The following CCDC92B variants were observed in gnomAD, a reference collection of about 807,000 sequenced individuals.
The protein encoded by CCDC92B is coiled-coil domain containing 92B, also known as coiled-coil domain-containing 92B.
CCDC92B carries 2 observed loss-of-function variants against 5.6 expected under a neutral mutation model. That is an observed-to-expected ratio of 0.36 (90% CI 0.15 to 1.12). CCDC92B has a LOEUF of 1.12. Among genes scored for constraint, CCDC92B ranks in the 50% most tolerant of loss-of-function variants. The pLI, the probability that CCDC92B is intolerant of heterozygous loss-of-function variation, is 0.40. For synonymous variants in CCDC92B, 115 were observed against 122.3 expected (o/e 0.94, Z 0.39); for missense variants, 271 against 262.2 (o/e 1.03, Z -0.23).
intron 1 of CCDC92B, among the ~76,000 whole-genome samples, chr17:2,745,116 C>T (rs370179142): frequency 6.8e-6 from 1 of 146,974 alleles, no homozygotes; most frequent in Non-Finnish European, 1.5e-5. Context: ...TAATAATACA[C>T]TGGTGCATAA....
chr17:2,730,384 G>T, intron 3 of CCDC92B, 62 bp downstream of exon 3: 1 of 934,680 alleles, frequency 1.1e-6, no homozygotes, highest in South Asian at 4.9e-5. Context: ...CCTGCAAAGG[G>T]CTGGGAAAAA....
intron 2 of CCDC92B, 132 bp downstream of exon 2, chr17:2,734,884 C>T: frequency 1.5e-6 from 1 of 651,440 alleles, no homozygotes; most frequent in Non-Finnish European, 1.9e-6. Flanking sequence ...TTTCCTTAAT[C>T]AGAAAAAGAG....
rs558481076 is a variant in CCDC92B, at chr17:2,737,017, T to G, written c.-23-1849A>C. ...ATGGCAGAACTTTGAGTTGCAGTGA[T>G]GGATGAGAGCCATGCATCCCTGAAT... On this transcript the variant is annotated intron_variant, in intron 1 of 3. Coordinates refer to ENST00000614400, the MANE Select transcript of CCDC92B (RefSeq NM_001355573.2). Among the ~76,000 whole-genome samples, 5 of 151,212 alleles carry G rather than the reference T, an allele frequency of 3.3e-5. No homozygotes were observed. In the South Asian group the frequency reaches 1.0e-3, roughly 31 times the overall value.
At chr17:2,739,186 T>C (rs1178803088) in intron 1 of CCDC92B, among the ~76,000 whole-genome samples, 1 of 149,670 alleles carries the variant, frequency 6.7e-6, no homozygotes. Flanking sequence ...GCTAACATGG[T>C]AGAACCCCAT....
intron 1 of CCDC92B, among the ~76,000 whole-genome samples, chr17:2,746,462 A>G (rs976453284): frequency 1.3e-5 from 2 of 152,074 alleles, no homozygotes; most frequent in Non-Finnish European, 2.9e-5. Flanking sequence ...GTTGGTGGAG[A>G]AGGCTTCTGT....
intron 2 of CCDC92B, among the ~76,000 whole-genome samples, chr17:2,731,909 G>A (rs2070798450): frequency 6.6e-6 from 1 of 152,224 alleles, no homozygotes. Context: ...CAGGACTTGG[G>A]GGTAGGGAGA....
At position 2,730,521 on chromosome 17, in the gene CCDC92B, TTG is replaced by T. The variant is rs572728916; in HGVS notation, c.131-30_131-29del. The T allele has an allele frequency of 1.7e-3, 527 of 306,276 alleles. 3 individuals are homozygous for T. The highest frequency in any genetic ancestry group is 7.1e-3 in the Admixed American group (53 of 7,452). The allele number at this position is 306,276 out of a possible 1,614,324, so 19.0% of individuals were successfully genotyped here. A position where few individuals can be genotyped will look rare whatever the true frequency, so the allele number is the denominator to read the frequency against. On this transcript the variant is annotated intron_variant, in intron 2 of 3. Transcript: ENST00000614400. ...GGGGGGAAAGAAAAGAAAAGGCAGT[TTG>T]TGTGTGTGTGTGTGTGTGTGTGTGT...
Position 2,741,140 on chromosome 17 carries a change from C to T in CCDC92B, c.-23-5972G>A, listed in dbSNP as rs150833945. On this transcript the variant is annotated intron_variant, in intron 1 of 3. Coordinates refer to ENST00000614400, the MANE Select transcript of CCDC92B (RefSeq NM_001355573.2). Reference sequence around the variant, plus strand: ...ACTTAGAAGAATGAAGGGAAGAGCACCTCCAACAGGGAACAGCATCTGTGA... The same window carrying T: ...ACTTAGAAGAATGAAGGGAAGAGCATCTCCAACAGGGAACAGCATCTGTGA... 4.3e-3 allele frequency among the ~76,000 whole-genome samples: 655 copies of T among 152,094 alleles called. 7 individuals carry two copies. Among genetic ancestry groups the T allele is most frequent in the African/African-American group, 0.015 (612 of 41,404 alleles).
At chr17:2,742,654 C>T (rs1673089484) in intron 1 of CCDC92B, among the ~76,000 whole-genome samples, 1 of 152,160 alleles carries the variant, frequency 6.6e-6, no homozygotes, top group Admixed American at 6.6e-5. Context: ...GTGTTCTTGT[C>T]CCATCCCATG....
chr17:2,740,710 G>A (rs763345306), intron 1 of CCDC92B, among the ~76,000 whole-genome samples: 15 of 151,790 alleles, frequency 9.9e-5, no homozygotes, highest in Middle Eastern at 6.8e-3. Context: ...CCCGAGCAGA[G>A]GACCTAGTTT....
intron 3 of CCDC92B, 121 bp from the exon 4 acceptor site, chr17:2,725,121 C>T: frequency 1.0e-6 from 1 of 985,706 alleles, no homozygotes; most frequent in African/African-American, 1.7e-5. Context: ...TTCTGCAATC[C>T]CAGCACTTTG....
chr17:2,744,491 C>T (rs1454674283), intron 1 of CCDC92B, among the ~76,000 whole-genome samples: 8 of 152,078 alleles, frequency 5.3e-5, no homozygotes, highest in Non-Finnish European at 1.2e-4. Flanking sequence ...TGCTTCCAGC[C>T]CCCGGTTTTT....
rs1448682598 is a variant in CCDC92B, at chr17:2,724,203, C to T, written c.*208G>A. 2.0e-6 allele frequency: 2 copies of T among 985,180 alleles called. No individual in the cohort carries two copies. The highest frequency in any genetic ancestry group is 1.7e-5 in the African/African-American group (1 of 57,218). The allele number at this position is 985,180 out of a possible 1,614,324, so 61.0% of individuals were successfully genotyped here. On this transcript the variant is annotated 3_prime_UTR_variant, in exon 4 of 4. Coordinates refer to ENST00000614400, the MANE Select transcript of CCDC92B (RefSeq NM_001355573.2). The surrounding 1 kb of genome is among the most constrained non-coding windows in gnomAD (Gnocchi z 5.0). Reference sequence around the variant, plus strand: ...CCGCTCGGCCCCGCGGAGGAACTCTCGCGCGAGGAGAGGGCTCGAAGCTTT... The same window carrying T: ...CCGCTCGGCCCCGCGGAGGAACTCTTGCGCGAGGAGAGGGCTCGAAGCTTT...
intron 2 of CCDC92B, among the ~76,000 whole-genome samples, chr17:2,731,634 C>T (rs938923317): frequency 6.6e-6 from 1 of 152,208 alleles, no homozygotes; most frequent in Non-Finnish European, 1.5e-5. Context: ...GGTGCCTTCT[C>T]TGAGGAGGCC....
chr17:2,723,830 G>A lies in CCDC92B; in HGVS notation c.*581C>T, dbSNP rs1368766772. On this transcript the variant is annotated 3_prime_UTR_variant, in exon 4 of 4. Transcript: ENST00000614400. ...ACTTTTCCCACCAGGGGCTCTGGGA[G>A]GACGTGTCTTCTAAAGTGTTCCGTG... The A allele has an allele frequency of 2.4e-6, 1 of 418,476 alleles. No homozygotes were observed. Among genetic ancestry groups the A allele is most frequent in the South Asian group, 9.7e-5 (1 of 10,278 alleles). The allele number at this position is 418,476 out of a possible 1,614,324, so 25.9% of individuals were successfully genotyped here.
In CCDC92B at chr17:2,724,456, CGGGCCGGCTCGGTCCGGGGGCTCCTGG is replaced by C; in HGVS notation, c.696_722del (p.Glu234_Gln242del). 1 of 983,608 alleles carries C rather than the reference CGGGCCGGCTCGGTCCGGGGGCTCCTGG, an allele frequency of 1.0e-6. No individual in the cohort carries two copies. The highest frequency in any genetic ancestry group is 1.2e-6 in the Non-Finnish European group (1 of 829,320). 60.9% of individuals were successfully genotyped at this position (983,608 alleles called of 1,614,324 possible). A position where few individuals can be genotyped will look rare whatever the true frequency, so the allele number is the denominator to read the frequency against. On this transcript the variant is annotated inframe_deletion, in exon 4 of 4. Transcript: ENST00000614400. The surrounding 1 kb of genome is among the most constrained non-coding windows in gnomAD (Gnocchi z 5.0). ...CGCTGGGCTGGCTGGGCGCGGGCTG[CGGGCCGGCTCGGTCCGGGGGCTCCTGG>C]GGAGGCGGCTGGCGCGGGCTGCGGG...
At chr17:2,725,702 TAATCAC>T (rs1229644611) in intron 3 of CCDC92B, among the ~76,000 whole-genome samples, 1 of 151,824 alleles carries the variant, frequency 6.6e-6, no homozygotes, top group African/African-American at 2.4e-5. Context: ...ACATAGTAAA[TAATCAC>T]AAATACGTGT....
intron 1 of CCDC92B, among the ~76,000 whole-genome samples, chr17:2,747,619 C>CG (rs2071002530): frequency 6.6e-6 from 1 of 152,056 alleles, no homozygotes. Context: ...ACCAGCTACT[C>CG]GGGAGGCTGA....
intron 1 of CCDC92B, among the ~76,000 whole-genome samples, chr17:2,736,924 T>C (rs1006206278): frequency 8.7e-5 from 13 of 149,080 alleles, no homozygotes; most frequent in Non-Finnish European, 1.6e-4. Context: ...AATACATACA[T>C]ACATATAAAT....
Sources: gnomAD v4.1 joint callset for allele counts (sites outside exome capture counted in the v4.1 genomes callset) on GRCh38, gnomAD v4.1.1 for gene constraint, Gnocchi (gnomAD v3.1) non-coding constraint, MANE v1.5 for transcripts, NCBI Gene and HGNC (gene_info 2026-07-23, HGNC 2026-07-21) for gene names.